Variants in AUTS2 observed in about 807,000 individuals in gnomAD.
AUTS2 encodes the protein activator of transcription and developmental regulator AUTS2, also known as autism susceptibility gene 2 protein.
AUTS2 carries 17 observed loss-of-function variants against 112.4 expected under a neutral mutation model. That is an observed-to-expected ratio of 0.15 (90% CI 0.10 to 0.23). The LOEUF (loss-of-function observed/expected upper bound fraction) is 0.23. Among genes scored for constraint, AUTS2 ranks in the 10% least tolerant of loss-of-function variants. The pLI, the probability that AUTS2 is intolerant of heterozygous loss-of-function variation, is 1.00. For missense variants in AUTS2, 1,510 were observed against 1,701.6 expected (o/e 0.89, Z 1.98); for synonymous variants, 751 against 702.7 (o/e 1.07, Z -1.09).
intron 4 of AUTS2, among the ~76,000 whole-genome samples, chr7:70,215,743 T>C (rs1418275278): frequency 6.6e-6 from 1 of 152,072 alleles, no homozygotes; most frequent in Admixed American, 6.6e-5. Flanking sequence ...GTTGTGTAGG[T>C]GGTAGTAATT....
intron 11 of AUTS2, among the ~76,000 whole-genome samples, chr7:70,772,035 C>T (rs1345318401): frequency 6.6e-6 from 1 of 152,184 alleles, no homozygotes; most frequent in Non-Finnish European, 1.5e-5. Flanking sequence ...AAAGCTGGGT[C>T]CTTACTGATT....
At chr7:70,251,772 T>C (rs1200535834) in intron 4 of AUTS2, among the ~76,000 whole-genome samples, 1 of 152,148 alleles carries the variant, frequency 6.6e-6, no homozygotes, top group Non-Finnish European at 1.5e-5. Flanking sequence ...TTGATTAATA[T>C]AGTTTTTGTT....
At chr7:69,659,822 A>C (rs1795715614) in intron 1 of AUTS2, among the ~76,000 whole-genome samples, 1 of 152,094 alleles carries the variant, frequency 6.6e-6, no homozygotes, top group Non-Finnish European at 1.5e-5. Flanking sequence ...TGTGTGAATA[A>C]ATCTCTTCCT....
At chr7:69,754,477 G>A (rs1441398002) in intron 1 of AUTS2, among the ~76,000 whole-genome samples, 2 of 152,188 alleles carry the variant, frequency 1.3e-5, no homozygotes, top group African/African-American at 4.8e-5. Flanking sequence ...CTGTTAAGTA[G>A]GGAGGATGGT....
At chr7:70,612,059 C>G (rs185033400) in intron 5 of AUTS2, among the ~76,000 whole-genome samples, 14 of 152,266 alleles carry the variant, frequency 9.2e-5, no homozygotes, top group Admixed American at 8.5e-4. Flanking sequence ...GGTTGTTATA[C>G]TCGAAGTAGC....
At position 70,379,158 on chromosome 7, in the gene AUTS2, C is replaced by T. The variant is rs189357068; in HGVS notation, c.661-56594C>T. 1.8e-3 allele frequency among the ~76,000 whole-genome samples: 280 copies of T among 152,106 alleles called. 1 individual carries two copies. The highest frequency in any genetic ancestry group is 3.7e-3 in the Non-Finnish European group (249 of 68,016). On this transcript the variant is annotated intron_variant, in intron 4 of 18. Transcript: ENST00000342771. ...CAACCATCTTTGAAATCCTACAACT[C>T]GTAGGCTAGGTTTAGATGCCAAATA... is the stretch of plus-strand genomic sequence containing the variant.
intron 1 of AUTS2, among the ~76,000 whole-genome samples, chr7:69,612,239 A>G (rs1457297486): frequency 5.9e-5 from 9 of 152,174 alleles, no homozygotes; most frequent in Admixed American, 3.9e-4. Context: ...TGGTTTTCCC[A>G]TGTATGGAGA....
In AUTS2 at chr7:70,493,060, T is replaced by A. The variant is rs560522616; in HGVS notation, c.690+57279T>A. Among the ~76,000 whole-genome samples, 9 of 152,314 alleles carry A rather than the reference T, an allele frequency of 5.9e-5. No homozygotes were observed. In the South Asian group the frequency reaches 1.7e-3, roughly 28 times the overall value. Reference sequence around the variant, plus strand: ...AACTTGCCACTGATAATTATTTTTTTAAAAAGCTCATTCCTAGTGATTGCT... The same window carrying A: ...AACTTGCCACTGATAATTATTTTTTAAAAAAGCTCATTCCTAGTGATTGCT... On this transcript the variant is annotated intron_variant, in intron 5 of 18. Coordinates refer to ENST00000342771, the MANE Select transcript of AUTS2 (RefSeq NM_015570.4).
chr7:70,432,194 A>G (rs1795700135), intron 4 of AUTS2, among the ~76,000 whole-genome samples: 1 of 152,192 alleles, frequency 6.6e-6, no homozygotes, highest in South Asian at 2.1e-4. Flanking sequence ...CCCGATGTCA[A>G]AATGCTTAAA....
chr7:70,678,580 A>G (rs1808047442), intron 5 of AUTS2, among the ~76,000 whole-genome samples: 1 of 152,266 alleles, frequency 6.6e-6, no homozygotes, highest in African/African-American at 2.4e-5. Flanking sequence ...AGACAGGTAC[A>G]GTATGTTTTC....
At chr7:70,641,181 T>C (rs907970808) in intron 5 of AUTS2, among the ~76,000 whole-genome samples, 2 of 152,216 alleles carry the variant, frequency 1.3e-5, no homozygotes, top group Non-Finnish European at 2.9e-5. Context: ...TCTTTGTAAA[T>C]TGAAGTCCTA....
intron 4 of AUTS2, among the ~76,000 whole-genome samples, chr7:70,325,560 C>T (rs1790449440): frequency 6.6e-6 from 1 of 152,044 alleles, no homozygotes; most frequent in Admixed American, 6.6e-5. Context: ...TGAACCTTGT[C>T]TTCTTATGGA....
chr7:70,220,377 C>T (rs1036183906), intron 4 of AUTS2, among the ~76,000 whole-genome samples: 1 of 152,184 alleles, frequency 6.6e-6, no homozygotes, highest in African/African-American at 2.4e-5. Context: ...CGTCACTCCT[C>T]ATTCTTTAGT....
chr7:70,143,509 A>G (rs972869528), intron 4 of AUTS2, among the ~76,000 whole-genome samples: 1 of 152,224 alleles, frequency 6.6e-6, no homozygotes, highest in African/African-American at 2.4e-5. Flanking sequence ...TAATTTGCTT[A>G]GTAGGCTAAT....
chr7:70,397,065 TTA>T (rs1794118607), intron 4 of AUTS2, among the ~76,000 whole-genome samples: 1 of 141,264 alleles, frequency 7.1e-6, no homozygotes, highest in African/African-American at 2.6e-5. Context: ...CATTCTTTTA[TTA>T]TTTTTTTTTT....
intron 1 of AUTS2, among the ~76,000 whole-genome samples, chr7:69,698,027 T>C (rs1318826027): frequency 6.6e-6 from 1 of 152,170 alleles, no homozygotes; most frequent in Non-Finnish European, 1.5e-5. Context: ...AGGATGTTAC[T>C]TTTAGAAACT....
At chr7:70,152,552 G>A (rs1485724518) in intron 4 of AUTS2, among the ~76,000 whole-genome samples, 1 of 151,880 alleles carries the variant, frequency 6.6e-6, no homozygotes, top group Non-Finnish European at 1.5e-5. Context: ...ATGGATAAGA[G>A]AATGAGATGA....
intron 2 of AUTS2, among the ~76,000 whole-genome samples, chr7:70,057,320 A>G (rs936695181): frequency 3.9e-5 from 6 of 152,280 alleles, no homozygotes; most frequent in Non-Finnish European, 5.9e-5. Flanking sequence ...AAAACTTTAA[A>G]CATGGAGGAA....
chr7:70,234,300 A>T (rs1485115879), intron 4 of AUTS2, among the ~76,000 whole-genome samples: 1 of 152,130 alleles, frequency 6.6e-6, no homozygotes, highest in East Asian at 1.9e-4. Flanking sequence ...GGGATTATTT[A>T]ATTTTTTTAG....
Sources: allele counts gnomAD v4.1 joint callset (sites outside exome capture counted in the v4.1 genomes callset), GRCh38; gene constraint gnomAD v4.1.1; transcripts MANE v1.5; gene names NCBI Gene and HGNC (gene_info 2026-07-23, HGNC 2026-07-21).